Variants in EML3 observed in about 807,000 individuals in gnomAD.
EML3 encodes EMAP like 3.
Under a neutral mutation model 106.7 loss-of-function variants are expected in EML3, and 53 were observed. That is an observed-to-expected ratio of 0.50 (90% CI 0.40 to 0.62). The LOEUF (loss-of-function observed/expected upper bound fraction) is 0.62. EML3 is among the 20% of genes least tolerant of loss of function. EML3 has a pLI of 0.00. For synonymous variants in EML3, 499 were observed against 489.6 expected (o/e 1.02, Z -0.25); for missense variants, 994 against 1,209.1 (o/e 0.82, Z 2.64).
rs755291352 is a variant in EML3, at chr11:62,607,709, A to AC, written c.1318dup (p.Val440GlyfsTer75). The AC allele has an allele frequency of 1.2e-6, 2 of 1,613,664 alleles. No individual in the cohort carries two copies. Among genetic ancestry groups the AC allele is most frequent in the Non-Finnish European group, 8.5e-7 (1 of 1,179,900 alleles). ...CCGGGTAAGGGTCCCATTCCCAGGA[A>AC]CCCCTACTCCACCACTCCAATTCCA... On this transcript the variant is annotated frameshift_variant, in exon 11 of 22. Transcript: ENST00000394773. LOFTEE classifies it high-confidence loss of function.
chr11:62,605,191 G>GGAGA lies in EML3; in HGVS notation c.1915-15_1915-12dup. On this transcript the variant is annotated splice_polypyrimidine_tract_variant and intron_variant, in intron 15 of 21. Coordinates refer to ENST00000394773, the MANE Select transcript of EML3 (RefSeq NM_153265.3). The surrounding 1 kb of genome is among the most constrained non-coding windows in gnomAD (Gnocchi z 5.2). ...ACAGAGACCAGTCTCCTGGGAGAGG[G>GGAGA]GAGAAGGTGAATTCAAGATGATGTC... The GGAGA allele has an allele frequency of 6.2e-7, 1 of 1,611,470 alleles. No individual in the cohort carries two copies. Among genetic ancestry groups the GGAGA allele is most frequent in the South Asian group, 1.1e-5 (1 of 90,854 alleles).
intron 20 of EML3, 100 bp from the exon 21 acceptor site, chr11:62,602,989 GC>G: frequency 6.8e-7 from 1 of 1,476,440 alleles, no homozygotes; most frequent in Non-Finnish European, 9.0e-7. Flanking sequence ...GCCACCCACT[GC>G]CGCGTTCCAG....
In EML3 at chr11:62,611,303, G is replaced by A. The variant is rs780003515; in HGVS notation, c.236C>T (p.Ser79Phe). Residue 79 changes from serine to phenylalanine, a missense_variant, in exon 3 of 22, where the codon TCC (serine) becomes TTC (phenylalanine). Physicochemically the swap from Ser to Phe is radical, Grantham distance 155. This residue lies in a region of EML3 where 269 missense variants were observed against 265.1 expected (regional missense o/e 1.01). Transcript: ENST00000394773. Reference protein sequence around the residue: ...PPGLPPTCTPSLVSRGTQTET... With the variant: ...PPGLPPTCTPFLVSRGTQTET... ...CGTCTGGGTGCCTCGGCTCACCAAG[G>A]AAGGGGTGCACGTGGGTGGCAGTCC... 1 of 1,613,044 alleles carries A rather than the reference G, an allele frequency of 6.2e-7. No homozygotes were observed.
chr11:62,602,233 GT>G lies in EML3; in HGVS notation c.*241del. 6.5e-7 allele frequency: 1 copy of G among 1,537,046 alleles called. No homozygotes were observed. The highest frequency in any genetic ancestry group is 2.5e-5 in the East Asian group (1 of 40,622). ...GCACCGGGAGGCGACTTTGGTTCTG[GT>G]TTATTGCCCCTCAGCAGGCAGCGGG... On this transcript the variant is annotated 3_prime_UTR_variant, in exon 22 of 22. Transcript: ENST00000394773.
intron 1 of EML3, 29 bp from the exon 2 acceptor site, chr11:62,611,625 T>C (rs749729518): frequency 4.4e-6 from 7 of 1,601,032 alleles, no homozygotes; most frequent in Non-Finnish European, 2.6e-6. Flanking sequence ...GTACTCAGAA[T>C]GTACCCATCA....
intron 16 of EML3, among the ~76,000 whole-genome samples, chr11:62,604,525 G>A (rs1942416656): frequency 6.6e-6 from 1 of 151,946 alleles, no homozygotes; most frequent in Non-Finnish European, 1.5e-5. Context: ...TTACAGGTGC[G>A]TACCACCATG....
At chr11:62,608,893 T>C (rs145060075) in intron 7 of EML3, 69 bp downstream of exon 7, 1,512 of 1,591,444 alleles carry the variant, frequency 9.5e-4, no homozygotes, top group Non-Finnish European at 1.2e-3. Context: ...GCAAGGCAAC[T>C]CTTTTCTCCT....
At chr11:62,602,939 G>A (rs758539323) in intron 20 of EML3, 50 bp from the exon 21 acceptor site, 1 of 1,484,942 alleles carries the variant, frequency 6.7e-7, no homozygotes, top group Non-Finnish European at 8.9e-7. Context: ...CGCCACCCAC[G>A]GCCCAGAGCT....
In EML3 at chr11:62,602,817, G is replaced by A. The variant is rs746398870; in HGVS notation, c.2429C>T (p.Ala810Val). 2.5e-6 allele frequency: 4 copies of A among 1,608,940 alleles called. No individual in the cohort carries two copies. The highest frequency in any genetic ancestry group is 2.5e-6 in the Non-Finnish European group (3 of 1,178,252). The change falls in exon 21 of 22, where the codon GCG (alanine) becomes GTG (valine). Residue 810 changes from alanine (A) to valine (V), a missense_variant. Ala to Val is a moderately conservative substitution (Grantham distance 64). Transcript: ENST00000394773. Reference protein sequence around the residue: ...LCRSHNERVVAVADDFCKVHL... With the variant: ...LCRSHNERVVVVADDFCKVHL... ...CACTTTGCAGAAGTCGTCGGCCACC[G>A]CCACCACGCGCTCGTTGTGGGAGCG...
rs755111342 is a variant in EML3, at chr11:62,605,808, T to C, written c.1783-35A>G. The C allele has an allele frequency of 2.0e-5, 32 of 1,608,200 alleles. No individual in the cohort carries two copies. In the South Asian group the frequency reaches 3.4e-4, roughly 17 times the overall value. The stretch of plus-strand genomic sequence containing the variant: ...AGCATGACTGTCACTCCTGCCCCTC[T>C]CTCACACCCCTTTGTCCCTTCCTCC... On this transcript the variant is annotated intron_variant, in intron 14 of 21. Transcript: ENST00000394773. This position sits in a 1 kb window ranked among gnomAD's most constrained non-coding sequence, Gnocchi z 5.2.
At chr11:62,612,313 C>T in intron 1 of EML3, 123 bp downstream of exon 1, 2 of 992,298 alleles carry the variant, frequency 2.0e-6, no homozygotes, top group Non-Finnish European at 1.5e-6. Flanking sequence ...GTGGAGGATG[C>T]TCGGAGCCCC....
intron 1 of EML3, chr11:62,611,843 G>A (rs1942847211): frequency 1.8e-6 from 1 of 552,046 alleles, no homozygotes; most frequent in Non-Finnish European, 3.2e-6. Context: ...CAAAGACTGG[G>A]AGTACCATGG....
Position 62,608,544 on chromosome 11 carries a change from C to T in EML3, c.1108G>A (p.Ala370Thr). Residue 370 changes from alanine to threonine, a missense_variant and splice_region_variant, in exon 9 of 22, where the codon GCG becomes ACG. This residue lies in a region of EML3 where 713 missense variants were observed against 920.5 expected (regional missense o/e 0.77). Coordinates refer to ENST00000394773, the MANE Select transcript of EML3 (RefSeq NM_153265.3). ...RGVGALAFSA[A>T]DQGAFLCVVD... is the part of the protein sequence containing the mutation. Reference sequence around the variant, plus strand: ...TAGAGGCTTCAGGGCCAGCTCACCGCAGCTGAAAAGGCCAGGGCCCCAACA... The same window carrying T: ...TAGAGGCTTCAGGGCCAGCTCACCGTAGCTGAAAAGGCCAGGGCCCCAACA... 6.2e-7 allele frequency: 1 copy of T among 1,613,478 alleles called. No individual in the cohort carries two copies. The highest frequency in any genetic ancestry group is 8.5e-7 in the Non-Finnish European group (1 of 1,179,844).
At chr11:62,604,962 G>A in intron 16 of EML3, 151 bp downstream of exon 16, 1 of 586,610 alleles carries the variant, frequency 1.7e-6, no homozygotes, top group Non-Finnish European at 2.8e-6. Flanking sequence ...GGGGAGCCCG[G>A]GTGGCAGGGG....
chr11:62,603,812 T>G lies in EML3; in HGVS notation c.2174A>C (p.His725Pro). Residue 725 changes from histidine (H) to proline (P), a missense_variant, in exon 19 of 22, where the codon CAC becomes CCC. This residue lies in a region of EML3 where 713 missense variants were observed against 920.5 expected (regional missense o/e 0.77). Coordinates refer to ENST00000394773, the MANE Select transcript of EML3 (RefSeq NM_153265.3). The part of the protein sequence containing the change: ...KSSRFGRCMG[H>P]SSFITHLDWS... ...GTCAAGATGAGTGATGAAGCTGGAG[T>G]GACCCTGGGAGCAAAGGTCAAGAGT... 6.2e-7 allele frequency: 1 copy of G among 1,613,992 alleles called. No homozygotes were observed. The highest frequency in any genetic ancestry group is 8.5e-7 in the Non-Finnish European group (1 of 1,180,002).
chr11:62,607,158 G>T, intron 11 of EML3, 59 bp from the exon 12 acceptor site: 4 of 1,590,662 alleles, frequency 2.5e-6, no homozygotes, highest in African/African-American at 1.3e-5. Context: ...ATTAAAAGTC[G>T]CAGGGCAGGC....
At position 62,608,613 on chromosome 11, in the gene EML3, G is replaced by A. The variant is rs774382505; in HGVS notation, c.1039C>T (p.Leu347=). 6.8e-6 allele frequency: 11 copies of A among 1,614,098 alleles called. No individual in the cohort carries two copies. The highest frequency in any genetic ancestry group is 9.3e-6 in the Non-Finnish European group (11 of 1,180,046). ...PVVHIWDSET[L]LKLQEIGLGA... is the part of the protein sequence containing the mutation. ...AGTCCAATCTCCTGCAGTTTCAACA[G>A]CGTCTCTGAGTCCCAGATGTGAACC... The change falls in exon 9 of 22, where the codon CTG becomes TTG. Residue 347 remains leucine (L), a synonymous_variant. Transcript: ENST00000394773.
At position 62,605,277 on chromosome 11, in the gene EML3, C is replaced by A; in HGVS notation, c.1915-97G>T. 7.9e-7 allele frequency: 1 copy of A among 1,273,238 alleles called. No homozygotes were observed. Among genetic ancestry groups the A allele is most frequent in the East Asian group, 2.5e-5 (1 of 40,034 alleles). The allele number at this position is 1,273,238 out of a possible 1,614,324, so 78.9% of individuals were successfully genotyped here. A position where few individuals can be genotyped will look rare whatever the true frequency, so the allele number is the denominator to read the frequency against. On this transcript the variant is annotated intron_variant, in intron 15 of 21. Transcript: ENST00000394773. The surrounding 1 kb of genome is among the most constrained non-coding windows in gnomAD (Gnocchi z 5.2). ...TCCTAACTTCAAAGCCACTTACTCC[C>A]AAGGAGAAGATGGGAAGAGAGGGAA... is the stretch of plus-strand genomic sequence containing the variant.
Position 62,604,212 on chromosome 11 carries a change from G to C in EML3, c.1983-11C>G. Reference sequence around the variant, plus strand: ...TCCAAAACCAACCACCTGGAAGGGAGGGAAGTGGAGGCAGATAGGAAGACG... The same window carrying C: ...TCCAAAACCAACCACCTGGAAGGGACGGAAGTGGAGGCAGATAGGAAGACG... On this transcript the variant is annotated splice_polypyrimidine_tract_variant and intron_variant, in intron 16 of 21. Coordinates refer to ENST00000394773, the MANE Select transcript of EML3 (RefSeq NM_153265.3). 1 of 1,613,568 alleles carries C rather than the reference G, an allele frequency of 6.2e-7. No individual in the cohort carries two copies. The highest frequency in any genetic ancestry group is 8.5e-7 in the Non-Finnish European group (1 of 1,179,776).
Sources: allele counts gnomAD v4.1 joint callset (sites outside exome capture counted in the v4.1 genomes callset), GRCh38; gene constraint gnomAD v4.1.1; regional missense constraint gnomAD v4.1.1; non-coding constraint Gnocchi (gnomAD v3.1); transcripts MANE v1.5; gene names NCBI Gene and HGNC (gene_info 2026-07-23, HGNC 2026-07-21).